The following DOCK8 variants were observed in gnomAD, a reference collection of about 807,000 sequenced individuals.
DOCK8 encodes dedicator of cytokinesis 8.
In DOCK8, 141 loss-of-function variants were observed where a neutral mutation model predicts 245.6. The ratio of observed to expected loss-of-function variants is 0.57; its 90% CI spans 0.50 to 0.66. The LOEUF is 0.66. DOCK8 is among the 30% of genes least tolerant of loss of function. DOCK8 has a pLI of 0.00. For synonymous variants in DOCK8, 1,168 were observed against 970.2 expected (o/e 1.20, Z -3.79); for missense variants, 2,965 against 2,603.4 (o/e 1.14, Z -3.02).
At chr9:418,850 A>G (rs989927063) in intron 30 of DOCK8, among the ~76,000 whole-genome samples, 1 of 152,110 alleles carries the variant, frequency 6.6e-6, no homozygotes, top group African/African-American at 2.4e-5. Context: ...GGCTGTGTTC[A>G]GTCTATGTGT....
intron 14 of DOCK8, among the ~76,000 whole-genome samples, chr9:358,677 T>A (rs954398445): frequency 3.7e-4 from 3 of 8,090 alleles, no homozygotes; most frequent in Non-Finnish European, 3.5e-3. Context: ...GGTGAAACCC[T>A]GTCTCTACTA....
chr9:346,625 A>C (rs2051902902), intron 14 of DOCK8, among the ~76,000 whole-genome samples: 1 of 151,950 alleles, frequency 6.6e-6, no homozygotes, highest in Non-Finnish European at 1.5e-5. Context: ...TATCAGTTGG[A>C]ACATGATTTC....
rs2051322876 is a variant in DOCK8 at position 336,587 on chromosome 9, A to C, written c.1291A>C (p.Ser431Arg). 1 of 1,614,094 alleles carries C rather than the reference A, an allele frequency of 6.2e-7. No individual in the cohort carries two copies. Among genetic ancestry groups the C allele is most frequent in the Non-Finnish European group, 8.5e-7 (1 of 1,180,028 alleles). Residue 431 changes from serine (S) to arginine (R), a missense_variant, in exon 12 of 48, where the codon AGC becomes CGC. Ser to Arg is a moderately radical substitution (Grantham distance 110). Coordinates refer to ENST00000432829, the MANE Select transcript of DOCK8 (RefSeq NM_203447.4). ...VTDVDSVVGR[S>R]SVGERRTLAQ... ...GACAATTGTTTTTCTTAAAGGGAGA[A>C]GCTCAGTGGGTGAACGGAGGACATT... is the stretch of plus-strand genomic sequence containing the variant.
In DOCK8 at chr9:289,524, C is replaced by G. The variant is rs898502102; in HGVS notation, c.347C>G (p.Pro116Arg). 1.2e-6 allele frequency: 2 copies of G among 1,613,472 alleles called. No individual in the cohort carries two copies. The highest frequency in any genetic ancestry group is 4.5e-5 in the East Asian group (2 of 44,866). The part of the protein sequence containing the change: ...SLPEEGVELD[P>R]HVRDCVQTYI... ...TACCTCATTAGGGTTGAACTGGACC[C>G]TCATGTCAGGGACTGTGTTCAGACC... The change falls in exon 4 of 48, where the codon CCT (proline) becomes CGT (arginine). Residue 116 changes from proline (P) to arginine (R), a missense_variant. Physicochemically the swap from Pro to Arg is moderately radical, Grantham distance 103. Around this residue, in one of 3 missense-constraint regions of DOCK8, gnomAD observed 2,825 missense variants for 2,453.5 expected, o/e 1.15. Transcript: ENST00000432829.
intron 1 of DOCK8, among the ~76,000 whole-genome samples, chr9:262,149 T>C (rs2047933675): frequency 6.6e-6 from 1 of 152,118 alleles, no homozygotes; most frequent in African/African-American, 2.4e-5. Flanking sequence ...GCATCATTAG[T>C]CATTAGGGAA....
intron 23 of DOCK8, among the ~76,000 whole-genome samples, chr9:388,459 T>C (rs920560247): frequency 1.3e-4 from 20 of 152,218 alleles, no homozygotes; most frequent in Non-Finnish European, 2.9e-4. Flanking sequence ...AGATTTTCCT[T>C]TTGTCATCTT....
chr9:414,925 C>G lies in DOCK8; in HGVS notation c.3674C>G (p.Ala1225Gly), dbSNP rs2055919118. 2 of 1,613,960 alleles carry G rather than the reference C, an allele frequency of 1.2e-6. No homozygotes were observed. The highest frequency in any genetic ancestry group is 1.3e-5 in the African/African-American group (1 of 75,042). ...YLPLVGIILD[A>G]LPQLCDFTVA... ...CCTTTAGTTGGCATCATTTTGGATG[C>G]TTTGCCACAGCTCTGTGACTTTACA... Residue 1225 changes from alanine to glycine, a missense_variant, in exon 29 of 48, where the codon GCT (alanine) becomes GGT (glycine). Physicochemically the swap from Ala to Gly is moderately conservative, Grantham distance 60 (BLOSUM62 0). Transcript: ENST00000432829.
intron 25 of DOCK8, 51 bp downstream of exon 25, chr9:396,985 T>G: frequency 6.4e-7 from 1 of 1,552,894 alleles, no homozygotes; most frequent in East Asian, 2.2e-5. Context: ...GGAACATATA[T>G]TACTTTCATA....
chr9:249,633 G>A (rs1228846379), intron 1 of DOCK8, among the ~76,000 whole-genome samples: 1 of 151,398 alleles, frequency 6.6e-6, no homozygotes, highest in African/African-American at 2.4e-5. Flanking sequence ...TTTATTTTTT[G>A]AGACGGAGTC....
rs542598195 is a variant in DOCK8, at chr9:215,099, T to C, written c.53+70T>C. On this transcript the variant is annotated intron_variant, in intron 1 of 47. Transcript: ENST00000432829. ...GCGCTGGTGTGAAGCGGAGCTTCGC[T>C]GCAGGGGCCGAGGCCGGACGAGTCC... is the stretch of plus-strand genomic sequence containing the variant. 1.1e-4 allele frequency: 174 copies of C among 1,513,478 alleles called. No individual in the cohort carries two copies. In the African/African-American group the frequency reaches 2.3e-3, roughly 20 times the overall value. 93.8% of individuals were successfully genotyped at this position (1,513,478 alleles called of 1,614,324 possible).
intron 22 of DOCK8, among the ~76,000 whole-genome samples, chr9:383,866 A>G (rs905626421): frequency 6.6e-6 from 1 of 151,936 alleles, no homozygotes; most frequent in South Asian, 2.1e-4. Context: ...ACAGTTTTAG[A>G]GTTACGGAAT....
intron 14 of DOCK8, among the ~76,000 whole-genome samples, chr9:366,721 G>A (rs760368763): frequency 2.7e-5 from 4 of 150,452 alleles, no homozygotes; most frequent in Non-Finnish European, 5.9e-5. Flanking sequence ...TGTTTATCTC[G>A]CTTTGCCTTG....
At chr9:395,885 T>G (rs2054430439) in intron 24 of DOCK8, among the ~76,000 whole-genome samples, 1 of 152,212 alleles carries the variant, frequency 6.6e-6, no homozygotes, top group Non-Finnish European at 1.5e-5. Flanking sequence ...GATATGTATA[T>G]GTATGTATAT....
chr9:389,459 C>T (rs2054090134), intron 23 of DOCK8, among the ~76,000 whole-genome samples: 2 of 152,088 alleles, frequency 1.3e-5, no homozygotes, highest in Admixed American at 1.3e-4. Flanking sequence ...TTTCAGAGCC[C>T]AAGATCCTCT....
At chr9:351,202 G>A (rs1371861955) in intron 14 of DOCK8, among the ~76,000 whole-genome samples, 1 of 152,186 alleles carries the variant, frequency 6.6e-6, no homozygotes, top group African/African-American at 2.4e-5. Context: ...ACTCTAAGTA[G>A]GTAACTGGGG....
intron 28 of DOCK8, among the ~76,000 whole-genome samples, chr9:412,910 T>A (rs2055812754): frequency 6.7e-6 from 1 of 150,094 alleles, no homozygotes; most frequent in African/African-American, 2.5e-5. Flanking sequence ...AGCAAACTGA[T>A]CCTAAAATTC....
intron 18 of DOCK8, among the ~76,000 whole-genome samples, chr9:373,458 T>A (rs2053386368): frequency 1.3e-5 from 2 of 152,226 alleles, no homozygotes; most frequent in Admixed American, 1.3e-4. Flanking sequence ...ATCCCACTAA[T>A]GCTATATTTT....
At chr9:365,637 C>G (rs1398256873) in intron 14 of DOCK8, 1 of 455,530 alleles carries the variant, frequency 2.2e-6, no homozygotes, top group Admixed American at 2.4e-5. Flanking sequence ...CTCACCACAG[C>G]CCTTTGAGGT....
intron 47 of DOCK8, 36 bp from the exon 48 acceptor site, chr9:464,123 T>G (rs770505784): frequency 6.4e-6 from 10 of 1,568,674 alleles, no homozygotes; most frequent in Non-Finnish European, 7.0e-6. Flanking sequence ...CTGTACGCTC[T>G]CTTTCCCTCT....
Sources: allele counts gnomAD v4.1 joint callset (sites outside exome capture counted in the v4.1 genomes callset), GRCh38; gene constraint gnomAD v4.1.1; regional missense constraint gnomAD v4.1.1; transcripts MANE v1.5; gene names NCBI Gene and HGNC (gene_info 2026-07-23, HGNC 2026-07-21).